Variants in TRPM3 observed in about 807,000 individuals in gnomAD.
TRPM3 encodes transient receptor potential cation channel subfamily M member 3, also known as long transient receptor potential channel 3.
A neutral mutation model predicts 181.2 loss-of-function variants in TRPM3; 77 were observed. The ratio of observed to expected loss-of-function variants is 0.42; its 90% CI spans 0.35 to 0.51. The LOEUF is 0.51. TRPM3 is among the 20% of genes least tolerant of loss of function. TRPM3 has a pLI of 0.01. For synonymous variants in TRPM3, 745 were observed against 796.4 expected, an observed-to-expected ratio of 0.94 and a Z score of 1.09; for missense variants, 1,759 against 2,196.7, an observed-to-expected ratio of 0.80 and a Z score of 3.98.
At chr9:71,318,900 T>C (rs772959251) in intron 1 of TRPM3, among the ~76,000 whole-genome samples, 2 of 152,102 alleles carry the variant, frequency 1.3e-5, no homozygotes, top group Non-Finnish European at 2.9e-5. Context: ...CCTTGGTATC[T>C]ATCCCAGATC....
chr9:71,243,253 G>A (rs1184926324), intron 1 of TRPM3, among the ~76,000 whole-genome samples: 2 of 152,162 alleles, frequency 1.3e-5, no homozygotes, highest in Non-Finnish European at 2.9e-5. Flanking sequence ...TGTTGGCCAG[G>A]CTGGTCTTGA....
At chr9:71,261,100 T>C (rs934279134) in intron 1 of TRPM3, among the ~76,000 whole-genome samples, 2 of 152,218 alleles carry the variant, frequency 1.3e-5, no homozygotes, top group Non-Finnish European at 2.9e-5. Flanking sequence ...AAGAGTGTTT[T>C]CCAACTTGGT....
rs893234097 is a variant in TRPM3 at position 70,625,271 on chromosome 9, G to T, written c.1729C>A (p.Leu577Met). 2 of 1,614,164 alleles carry T rather than the reference G, an allele frequency of 1.2e-6. No individual in the cohort carries two copies. Among genetic ancestry groups the T allele is most frequent in the Non-Finnish European group, 8.5e-7 (1 of 1,180,030 alleles). ...LIDIGLVIEY[L>M]MGGAYRCNYT... ...TTGCAGCGATAAGCCCCGCCCATCA[G>T]GTACTCGATCACCAGGCCGATGTCA... is the stretch of plus-strand genomic sequence containing the variant. The change falls in exon 14 of 26, where the codon CTG (leucine) becomes ATG (methionine). Residue 577 changes from leucine to methionine, a missense_variant. This residue lies in a region of TRPM3 where 737 missense variants were observed against 957.4 expected (regional missense o/e 0.77). Transcript: ENST00000677713. This position sits in a 1 kb window ranked among gnomAD's most constrained non-coding sequence, Gnocchi z 4.8.
At position 70,609,931 on chromosome 9, in the gene TRPM3, A is replaced by T. The variant is rs528757841; in HGVS notation, c.2667+678T>A. On this transcript the variant is annotated intron_variant, in intron 19 of 25. Transcript: ENST00000677713. The stretch of plus-strand genomic sequence containing the variant: ...TTAAAAAAAAAAAAAATCACTGAAC[A>T]GTAGAAGTAGAGAACCAATAATTGA... 7.9e-5 allele frequency among the ~76,000 whole-genome samples: 12 copies of T among 152,290 alleles called. No individual in the cohort carries two copies. The East Asian group carries it at 2.3e-3, about 29-fold the overall frequency.
chr9:70,956,988 T>C (rs1374976325), intron 1 of TRPM3, among the ~76,000 whole-genome samples: 5 of 143,248 alleles, frequency 3.5e-5, no homozygotes, highest in South Asian at 2.2e-4. Flanking sequence ...TGATACCAAG[T>C]CTCACTCTGT....
chr9:71,248,041 A>G (rs1417937612), intron 1 of TRPM3, among the ~76,000 whole-genome samples: 3 of 152,148 alleles, frequency 2.0e-5, no homozygotes, highest in Non-Finnish European at 4.4e-5. Context: ...GAACATTGAA[A>G]TGATTGAGAT....
chr9:70,751,886 A>G (rs2076188935), intron 8 of TRPM3, among the ~76,000 whole-genome samples: 1 of 152,140 alleles, frequency 6.6e-6, no homozygotes, highest in South Asian at 2.1e-4. Flanking sequence ...AAAGGAGAAG[A>G]AAGTAGAGGA....
intron 1 of TRPM3, among the ~76,000 whole-genome samples, chr9:70,913,467 AG>A (rs2133178207): frequency 1.3e-5 from 2 of 152,358 alleles, no homozygotes; most frequent in East Asian, 3.9e-4. Flanking sequence ...GATATTAAAC[AG>A]AAAGGAAGGC....
intron 1 of TRPM3, among the ~76,000 whole-genome samples, chr9:71,212,460 A>G (rs2079567353): frequency 6.6e-6 from 1 of 152,218 alleles, no homozygotes; most frequent in African/African-American, 2.4e-5. Flanking sequence ...TATGAAAAAA[A>G]AGTTTCCAAG....
At chr9:70,636,813 G>C (rs1165549599) in intron 11 of TRPM3, among the ~76,000 whole-genome samples, 1 of 151,712 alleles carries the variant, frequency 6.6e-6, no homozygotes, top group Non-Finnish European at 1.5e-5. Context: ...TCAGCCTCTG[G>C]AGTAGCTGGG....
chr9:70,972,124 A>C (rs577139094), intron 1 of TRPM3, among the ~76,000 whole-genome samples: 2 of 152,284 alleles, frequency 1.3e-5, no homozygotes, highest in East Asian at 1.9e-4. Context: ...TCATGTCTAA[A>C]CTTGTACATA....
Position 71,206,810 on chromosome 9 carries a change from C to G in TRPM3, c.183+239843G>C, listed in dbSNP as rs994586853. ...GTTTCAGTTTTCTGCATATGGCTAGCCAGTTTTCCCAACACCACTTATTAA... is the reference window on the plus strand; with the variant it reads ...GTTTCAGTTTTCTGCATATGGCTAGGCAGTTTTCCCAACACCACTTATTAA... On this transcript the variant is annotated intron_variant, in intron 1 of 24. Coordinates refer to the TRPM3 transcript ENST00000357533. Among the ~76,000 whole-genome samples the G allele has an allele frequency of 2.0e-5, 3 of 152,030 alleles. No homozygotes were observed. In the East Asian group the frequency reaches 5.8e-4, roughly 29 times the overall value.
At chr9:71,334,721 A>G (rs1309448200) in intron 1 of TRPM3, among the ~76,000 whole-genome samples, 3 of 152,098 alleles carry the variant, frequency 2.0e-5, no homozygotes, top group African/African-American at 7.2e-5. Flanking sequence ...CCATTCCACC[A>G]TAGCCATTTC....
At chr9:71,041,481 T>A (rs2058814880) in intron 1 of TRPM3, among the ~76,000 whole-genome samples, 1 of 152,170 alleles carries the variant, frequency 6.6e-6, no homozygotes, top group Non-Finnish European at 1.5e-5. Context: ...ATATCAGTGA[T>A]GGTGGAAAAG....
intron 1 of TRPM3, among the ~76,000 whole-genome samples, chr9:71,422,967 A>C (rs2093804044): frequency 6.6e-6 from 1 of 152,080 alleles, no homozygotes; most frequent in Non-Finnish European, 1.5e-5. Context: ...ATCAAGATGC[A>C]ATATTGACAA....
At chr9:71,162,339 C>A (rs564687690) in intron 1 of TRPM3, among the ~76,000 whole-genome samples, 4 of 152,044 alleles carry the variant, frequency 2.6e-5, no homozygotes, top group South Asian at 4.1e-4. Flanking sequence ...AGGTCTCATA[C>A]CTACCATACA....
At chr9:71,343,635 G>T (rs2091106262) in intron 1 of TRPM3, among the ~76,000 whole-genome samples, 1 of 152,046 alleles carries the variant, frequency 6.6e-6, no homozygotes, top group Non-Finnish European at 1.5e-5. Context: ...AGAGAAAAGG[G>T]TAAATATATA....
intron 1 of TRPM3, among the ~76,000 whole-genome samples, chr9:71,173,146 C>T (rs1587777027): frequency 6.6e-6 from 1 of 152,130 alleles, no homozygotes; most frequent in East Asian, 1.9e-4. Flanking sequence ...ACTATATGTG[C>T]CTTGTCACAT....
At chr9:71,095,758 CAAAAA>C (rs34934062) in intron 1 of TRPM3, among the ~76,000 whole-genome samples, 1 of 85,304 alleles carries the variant, frequency 1.2e-5, no homozygotes. Flanking sequence ...GACTCTGTGT[CAAAAA>C]AAAAAAAAAA....
Sources: allele counts gnomAD v4.1 joint callset (sites outside exome capture counted in the v4.1 genomes callset), GRCh38; gene constraint gnomAD v4.1.1; regional missense constraint gnomAD v4.1.1; non-coding constraint Gnocchi (gnomAD v3.1); transcripts MANE v1.5; gene names NCBI Gene and HGNC (gene_info 2026-07-23, HGNC 2026-07-21).